PLEKHM3: variants seen among roughly 807,000 people sequenced by gnomAD.
PLEKHM3 encodes pleckstrin homology domain-containing family M member 3.
In PLEKHM3, 45 loss-of-function variants were observed where a neutral mutation model predicts 81.8. The observed-to-expected ratio is 0.55, with a 90% CI of 0.43 to 0.71. The LOEUF (loss-of-function observed/expected upper bound fraction) is 0.71, where lower values mean the gene tolerates loss of function less well. Among genes scored for constraint, PLEKHM3 ranks in the 30% least tolerant of loss-of-function variants. The probability of loss-of-function intolerance (pLI) is 0.00; values close to 1 mark genes in which losing one functional copy is unlikely to be tolerated. For synonymous variants in PLEKHM3, 352 were observed against 356.4 expected (o/e 0.99, Z 0.14); for missense variants, 788 against 924.3 (o/e 0.85, Z 1.91).
At chr2:207,919,198 G>A (rs928365956) in intron 5 of PLEKHM3, among the ~76,000 whole-genome samples, 2 of 152,142 alleles carry the variant, frequency 1.3e-5, no homozygotes, top group African/African-American at 4.8e-5. Context: ...AGAGGGAAAG[G>A]AAAAGCAAGT....
intron 2 of PLEKHM3, among the ~76,000 whole-genome samples, chr2:207,995,146 A>C (rs1692028437): frequency 6.6e-6 from 1 of 152,148 alleles, no homozygotes; most frequent in Non-Finnish European, 1.5e-5. Context: ...AGGCAAAGTG[A>C]CCATCTTCCT....
At chr2:207,913,785 C>G (rs1418017726) in intron 5 of PLEKHM3, among the ~76,000 whole-genome samples, 3 of 151,786 alleles carry the variant, frequency 2.0e-5, no homozygotes, top group African/African-American at 7.3e-5. Context: ...CATTAAGAAG[C>G]TACTATAGAA....
rs189150343 is a variant in PLEKHM3 at position 207,860,702 on chromosome 2, T to G, written c.2108+403A>C. On this transcript the variant is annotated intron_variant, in intron 7 of 7. Transcript: ENST00000427836. ...TGGCCAGGCAGCAGCTGCTCACCAG[T>G]GTCCTCTAGTTTTACCCCTGGCGGT... Among the ~76,000 whole-genome samples, 8 of 152,300 alleles carry G rather than the reference T, an allele frequency of 5.3e-5. No homozygotes were observed. The East Asian group carries it at 1.2e-3, about 22-fold the overall frequency.
At chr2:207,901,995 C>T (rs1688446227) in intron 6 of PLEKHM3, among the ~76,000 whole-genome samples, 1 of 152,132 alleles carries the variant, frequency 6.6e-6, no homozygotes, top group South Asian at 2.1e-4. Flanking sequence ...TCCGAATGCT[C>T]CTAATTAGTT....
At chr2:207,904,483 AACT>A (rs1216482447) in intron 6 of PLEKHM3, among the ~76,000 whole-genome samples, 1 of 152,200 alleles carries the variant, frequency 6.6e-6, no homozygotes, top group Admixed American at 6.5e-5. Flanking sequence ...GACTATATTC[AACT>A]ACTACTTTTT....
intron 5 of PLEKHM3, among the ~76,000 whole-genome samples, chr2:207,910,220 G>A (rs1351685128): frequency 6.6e-6 from 1 of 152,166 alleles, no homozygotes; most frequent in Non-Finnish European, 1.5e-5. Flanking sequence ...AGCACAGCTG[G>A]GCAGGGCATA....
At chr2:207,828,607 A>G in intron 7 of PLEKHM3, 111 bp from the exon 8 acceptor site, 2 of 1,019,048 alleles carry the variant, frequency 2.0e-6, no homozygotes, top group South Asian at 3.4e-5. Flanking sequence ...GTTCTGGACA[A>G]CCCTGCCAAT....
Position 207,925,117 on chromosome 2 carries a change from A to C in PLEKHM3, c.1886+5809T>G, listed in dbSNP as rs76913371. Among the ~76,000 whole-genome samples the C allele has an allele frequency of 5.0e-3, 743 of 149,970 alleles. 8 individuals are homozygous for C. The highest frequency in any genetic ancestry group is 0.017 in the African/African-American group (708 of 41,170). ...TGCTTAAGATGGGATCTTAGGTGGT[A>C]GTATGAACAGGGTTGTTTTTTTGTT... On this transcript the variant is annotated intron_variant, in intron 5 of 7. Coordinates refer to ENST00000427836, the MANE Select transcript of PLEKHM3 (RefSeq NM_001080475.3).
chr2:207,984,054 T>C (rs1691632558), intron 2 of PLEKHM3, among the ~76,000 whole-genome samples: 1 of 152,172 alleles, frequency 6.6e-6, no homozygotes, highest in Non-Finnish European at 1.5e-5. Flanking sequence ...AACATTTCAT[T>C]ACAGAAAGTT....
rs1176654969 is a variant in PLEKHM3 at position 208,001,101 on chromosome 2, C to T, written c.539G>A (p.Gly180Asp). Residue 180 changes from glycine (G) to aspartate (D), a missense_variant, in exon 2 of 8, where the codon GGC (glycine) becomes GAC (aspartate). By Grantham distance (94) the Gly-to-Asp change is moderately conservative. Transcript: ENST00000427836. ...AAAAGATGGCCTGGTGACATGCGGGCCTTGAAGCAATGGCTGCTGCTGTTG... is the reference window on the plus strand; with the variant it reads ...AAAAGATGGCCTGGTGACATGCGGGTCTTGAAGCAATGGCTGCTGCTGTTG... The part of the protein sequence containing the change: ...QQQQQQPLLQ[G>D]PHVTRPSFLL... 9 of 1,585,352 alleles carry T rather than the reference C, an allele frequency of 5.7e-6. 1 individual carries two copies. Among genetic ancestry groups the T allele is most frequent in the Non-Finnish European group, 5.1e-6 (6 of 1,165,670 alleles).
At chr2:207,920,260 T>A (rs1359832024) in intron 5 of PLEKHM3, among the ~76,000 whole-genome samples, 1 of 152,198 alleles carries the variant, frequency 6.6e-6, no homozygotes, top group East Asian at 1.9e-4. Flanking sequence ...AAATGCTCCC[T>A]GAGAACACAA....
At position 207,991,151 on chromosome 2, in the gene PLEKHM3, G is replaced by A. The variant is rs1483090259; in HGVS notation, c.610+9879C>T. Among the ~76,000 whole-genome samples the A allele has an allele frequency of 5.9e-5, 9 of 152,202 alleles. No individual in the cohort carries two copies. In the South Asian group the frequency reaches 1.0e-3, roughly 18 times the overall value. On this transcript the variant is annotated intron_variant, in intron 2 of 7. Transcript: ENST00000427836. ...GCCTCTGTTGAGGTTTTGGACCCAGGAAACAATTCCAAACATCACCTTTCA... is the reference window on the plus strand; with the variant it reads ...GCCTCTGTTGAGGTTTTGGACCCAGAAAACAATTCCAAACATCACCTTTCA...
chr2:207,841,380 G>A (rs573352447), intron 7 of PLEKHM3, among the ~76,000 whole-genome samples: 6 of 137,004 alleles, frequency 4.4e-5, no homozygotes, highest in South Asian at 4.9e-4. Flanking sequence ...CGCGATAATC[G>A]CTTCAACCTG....
intron 7 of PLEKHM3, among the ~76,000 whole-genome samples, chr2:207,830,607 C>CAAAAAA (rs10685657): frequency 7.8e-6 from 1 of 127,538 alleles, no homozygotes; most frequent in South Asian, 2.7e-4. Flanking sequence ...AACTCTGTCT[C>CAAAAAA]AAAAAAAAAA....
chr2:207,902,659 A>G (rs997396353), intron 6 of PLEKHM3, among the ~76,000 whole-genome samples: 10 of 152,120 alleles, frequency 6.6e-5, no homozygotes, highest in African/African-American at 2.4e-4. Flanking sequence ...TTGGTTTTAG[A>G]ATTCTGTGCA....
In PLEKHM3 at chr2:207,861,120, T is replaced by A; in HGVS notation, c.2093A>T (p.Asp698Val). The A allele has an allele frequency of 1.2e-5, 19 of 1,613,176 alleles. No homozygotes were observed. The highest frequency in any genetic ancestry group is 1.6e-5 in the Non-Finnish European group (19 of 1,179,804). The change falls in exon 7 of 8, where the codon GAT becomes GTT. Residue 698 changes from aspartate to valine, a missense_variant. Coordinates refer to ENST00000427836, the MANE Select transcript of PLEKHM3 (RefSeq NM_001080475.3). ...TATTCTGTACCTGCTTGTTGAAATA[T>A]CCTCAAAAGGGTAGAGGATCTCTCC... ...NNGEILYPFE[D>V]ISTSRCESCG... is the part of the protein sequence containing the mutation.
At position 207,946,494 on chromosome 2, in the gene PLEKHM3, C is replaced by T. The variant is rs752414642; in HGVS notation, c.1565G>A (p.Gly522Asp). ...CACCTTGGCTTTCCCATTGGAAAGACCTATGGATCGCTGGCAGCCTGTTCA... is the reference window on the plus strand; with the variant it reads ...CACCTTGGCTTTCCCATTGGAAAGATCTATGGATCGCTGGCAGCCTGTTCA... ...FKCAGCQRSI[G>D]LSNGKAKVCN... Residue 522 changes from glycine (G) to aspartate (D), a missense_variant, in exon 4 of 8, where the codon GGT (glycine) becomes GAT (aspartate). Coordinates refer to ENST00000427836, the MANE Select transcript of PLEKHM3 (RefSeq NM_001080475.3). 20 of 1,613,870 alleles carry T rather than the reference C, an allele frequency of 1.2e-5. No individual in the cohort carries two copies. Among genetic ancestry groups the T allele is most frequent in the Admixed American group, 1.7e-5 (1 of 59,966 alleles).
At chr2:207,867,788 C>G (rs998103178) in intron 6 of PLEKHM3, among the ~76,000 whole-genome samples, 5 of 151,830 alleles carry the variant, frequency 3.3e-5, no homozygotes, top group Non-Finnish European at 7.4e-5. Context: ...TTCCTCCCAC[C>G]ATCCCAAGAG....
At chr2:207,936,782 T>C (rs1219793951) in intron 4 of PLEKHM3, among the ~76,000 whole-genome samples, 1 of 152,042 alleles carries the variant, frequency 6.6e-6, no homozygotes, top group African/African-American at 2.4e-5. Context: ...TGAATTACTG[T>C]CTATAATAGC....
Sources: gnomAD v4.1 joint callset for allele counts (sites outside exome capture counted in the v4.1 genomes callset) on GRCh38, gnomAD v4.1.1 for gene constraint, MANE v1.5 for transcripts, NCBI Gene and HGNC (gene_info 2026-07-23, HGNC 2026-07-21) for gene names.